DDX31: variants seen among roughly 807,000 people sequenced by gnomAD.
DDX31 encodes ATP-dependent DNA helicase DDX31.
A neutral mutation model predicts 91.3 loss-of-function variants in DDX31; 70 were observed. The observed-to-expected ratio is 0.77, with a 90% CI of 0.63 to 0.94. DDX31 has a LOEUF of 0.94. DDX31 is among the 40% of genes least tolerant of loss of function. The pLI is 0.00. For synonymous variants in DDX31, 362 were observed against 350.6 expected, an observed-to-expected ratio of 1.03 and a Z score of -0.36; for missense variants, 902 against 925.0, an observed-to-expected ratio of 0.98 and a Z score of 0.32.
At chr9:132,602,895 T>C (rs141781183) in intron 19 of DDX31, among the ~76,000 whole-genome samples, 1 of 152,366 alleles carries the variant, frequency 6.6e-6, no homozygotes, top group East Asian at 1.9e-4. Flanking sequence ...CTTGTGTTCA[T>C]ATACTTGCTA....
At chr9:132,633,769 T>C (rs1249615640) in intron 14 of DDX31, among the ~76,000 whole-genome samples, 2 of 152,174 alleles carry the variant, frequency 1.3e-5, no homozygotes, top group Non-Finnish European at 2.9e-5. Context: ...TTTGATACTT[T>C]TGACTCAGAC....
At chr9:132,644,812 G>A (rs1224783832) in intron 13 of DDX31, among the ~76,000 whole-genome samples, 1 of 152,158 alleles carries the variant, frequency 6.6e-6, no homozygotes, top group Non-Finnish European at 1.5e-5. Flanking sequence ...ATTGAATCAG[G>A]GATCCAAAGG....
intron 19 of DDX31, among the ~76,000 whole-genome samples, chr9:132,607,069 T>C (rs980845275): frequency 6.6e-6 from 1 of 152,214 alleles, no homozygotes; most frequent in Non-Finnish European, 1.5e-5. Flanking sequence ...GTGTGTATGA[T>C]TTCCACGAGG....
chr9:132,611,228 G>T (rs992562550), intron 19 of DDX31, among the ~76,000 whole-genome samples: 2 of 152,170 alleles, frequency 1.3e-5, no homozygotes, highest in Non-Finnish European at 2.9e-5. Flanking sequence ...AACGTTCTGG[G>T]ATTGAACCCA....
At chr9:132,658,472 G>T in intron 6 of DDX31, 199 bp downstream of exon 6, 1 of 675,648 alleles carries the variant, frequency 1.5e-6, no homozygotes, top group South Asian at 1.6e-5. Flanking sequence ...CACTTACTAT[G>T]ACAATTGTGA....
chr9:132,626,698 G>C (rs1832415430), intron 16 of DDX31, among the ~76,000 whole-genome samples: 1 of 151,898 alleles, frequency 6.6e-6, no homozygotes, highest in Admixed American at 6.6e-5. Flanking sequence ...TCTTAGGTGG[G>C]AGAAGACAAT....
At chr9:132,606,468 G>A (rs927937878) in intron 19 of DDX31, among the ~76,000 whole-genome samples, 1 of 152,174 alleles carries the variant, frequency 6.6e-6, no homozygotes, top group Non-Finnish European at 1.5e-5. Context: ...TTCACTTTTC[G>A]TACTCTCGGT....
chr9:132,600,381 G>A (rs932926676), intron 19 of DDX31, among the ~76,000 whole-genome samples: 17 of 152,076 alleles, frequency 1.1e-4, no homozygotes, highest in Non-Finnish European at 1.9e-4. Context: ...TGGGAATCAT[G>A]GGAATCACAG....
chr9:132,669,757 C>A (rs1835605960), intron 1 of DDX31, 103 bp downstream of exon 1: 3 of 1,524,040 alleles, frequency 2.0e-6, no homozygotes, highest in Non-Finnish European at 2.6e-6. Flanking sequence ...CGCTTAACTC[C>A]GTGAATGACT....
chr9:132,658,130 G>A (rs2130824834), intron 6 of DDX31: 3 of 571,020 alleles, frequency 5.3e-6, no homozygotes, highest in South Asian at 4.9e-5. Flanking sequence ...TCTGTAAAAG[G>A]TCCCACGTTA....
intron 19 of DDX31, among the ~76,000 whole-genome samples, chr9:132,608,398 A>T (rs1489361023): frequency 2.6e-5 from 4 of 152,174 alleles, no homozygotes; most frequent in Non-Finnish European, 5.9e-5. Context: ...GGGGCCACGA[A>T]CTATTTATTT....
chr9:132,596,040 T>C (rs1333649634), intron 19 of DDX31, among the ~76,000 whole-genome samples: 8 of 152,194 alleles, frequency 5.3e-5, no homozygotes, highest in Non-Finnish European at 8.8e-5. Context: ...AAATCCACAC[T>C]TCCTTGCTGG....
chr9:132,654,349 G>A lies in DDX31; in HGVS notation c.589-1857C>T, dbSNP rs575200050. Among the ~76,000 whole-genome samples, 59 of 152,286 alleles carry A rather than the reference G, an allele frequency of 3.9e-4. 1 individual carries two copies. In the South Asian group the frequency reaches 0.012, roughly 30 times the overall value. On this transcript the variant is annotated intron_variant, in intron 6 of 19. Transcript: ENST00000372159. ...AACTTGGCCAGGCACGGTGGCTCAC[G>A]CCTGTAATCTCAGCACTTTGGGAGG...
intron 6 of DDX31, among the ~76,000 whole-genome samples, chr9:132,653,545 C>G (rs1834353682): frequency 8.5e-6 from 1 of 117,732 alleles, no homozygotes; most frequent in African/African-American, 3.1e-5. Context: ...ATTTCAACAG[C>G]CTTCCAATAT....
intron 3 of DDX31, among the ~76,000 whole-genome samples, chr9:132,661,477 AG>A (rs1307639650): frequency 3.3e-5 from 5 of 152,012 alleles, no homozygotes; most frequent in Admixed American, 6.6e-5. Context: ...TAACCAGGGG[AG>A]GGGGGCACTG....
At chr9:132,658,184 G>T in intron 6 of DDX31, 1 of 665,418 alleles carries the variant, frequency 1.5e-6, no homozygotes, top group South Asian at 1.7e-5. Flanking sequence ...CATAGCACAG[G>T]AGCCAGGAAT....
chr9:132,649,905 C>T (rs758568047), intron 9 of DDX31, among the ~76,000 whole-genome samples: 20 of 152,172 alleles, frequency 1.3e-4, no homozygotes, highest in Non-Finnish European at 2.1e-4. Flanking sequence ...AAACCCCAAA[C>T]TCTTAATGTC....
At position 132,609,621 on chromosome 9, in the gene DDX31, T is replaced by C. The variant is rs534201141; in HGVS notation, c.1994+2466A>G. Among the ~76,000 whole-genome samples, 3 of 152,272 alleles carry C rather than the reference T, an allele frequency of 2.0e-5. No individual in the cohort carries two copies. In the East Asian group the frequency reaches 5.8e-4, roughly 29 times the overall value. On this transcript the variant is annotated intron_variant, in intron 19 of 19. Transcript: ENST00000372159. ...ATCGGAATAAACAAAGATGTGTGTTTCTTTTTTTTTTCTTCTTTGAGACAG... is the reference window on the plus strand; with the variant it reads ...ATCGGAATAAACAAAGATGTGTGTTCCTTTTTTTTTTCTTCTTTGAGACAG...
At chr9:132,659,129 T>C (rs573338805) in intron 5 of DDX31, among the ~76,000 whole-genome samples, 2 of 152,178 alleles carry the variant, frequency 1.3e-5, no homozygotes, top group Non-Finnish European at 2.9e-5. Flanking sequence ...GCTGATGTGA[T>C]TGGGAGCCAG....
Sources: gnomAD v4.1 joint callset for allele counts (sites outside exome capture counted in the v4.1 genomes callset) on GRCh38, gnomAD v4.1.1 for gene constraint, MANE v1.5 for transcripts, NCBI Gene and HGNC (gene_info 2026-07-23, HGNC 2026-07-21) for gene names.